Variants in ERBB4 observed in about 807,000 individuals in gnomAD.
The protein encoded by ERBB4 is receptor tyrosine-protein kinase erbB-4.
ERBB4 carries 42 observed loss-of-function variants against 158.0 expected under a neutral mutation model. The ratio of observed to expected loss-of-function variants is 0.27; its 90% CI spans 0.21 to 0.34. The LOEUF (loss-of-function observed/expected upper bound fraction) is 0.34, where lower values mean the gene tolerates loss of function less well. Among genes scored for constraint, ERBB4 ranks in the 10% least tolerant of loss-of-function variants. ERBB4 has a pLI of 1.00. For synonymous variants in ERBB4, 583 were observed against 558.7 expected (o/e 1.04, Z -0.61); for missense variants, 1,333 against 1,624.1 (o/e 0.82, Z 3.08).
chr2:212,142,610 AAT>A (rs1038999989), intron 1 of ERBB4, among the ~76,000 whole-genome samples: 4 of 147,702 alleles, frequency 2.7e-5, no homozygotes, highest in African/African-American at 4.9e-5. Context: ...ATAATATTAA[AAT>A]ATATATATAA....
At chr2:212,219,458 A>G (rs2083217638) in intron 1 of ERBB4, among the ~76,000 whole-genome samples, 1 of 151,446 alleles carries the variant, frequency 6.6e-6, no homozygotes, top group African/African-American at 2.4e-5. Context: ...AATAAAAAAT[A>G]ATAAGATTTT....
intron 3 of ERBB4, among the ~76,000 whole-genome samples, chr2:211,835,846 C>T (rs2077329793): frequency 6.6e-6 from 1 of 151,916 alleles, no homozygotes; most frequent in South Asian, 2.1e-4. Flanking sequence ...AATAAAGTTG[C>T]AAAACCAAGG....
At chr2:212,282,901 T>C (rs1417913853) in intron 1 of ERBB4, among the ~76,000 whole-genome samples, 1 of 151,920 alleles carries the variant, frequency 6.6e-6, no homozygotes, top group Non-Finnish European at 1.5e-5. Flanking sequence ...TTCTCTCTTT[T>C]ACAAATGGGG....
intron 9 of ERBB4, among the ~76,000 whole-genome samples, chr2:211,706,401 G>A (rs1324730434): frequency 1.3e-5 from 2 of 152,026 alleles, no homozygotes; most frequent in Non-Finnish European, 1.5e-5. Context: ...ACAATCCCCT[G>A]ACAAACAGAT....
At chr2:211,846,243 T>C (rs1248481984) in intron 3 of ERBB4, among the ~76,000 whole-genome samples, 1 of 152,096 alleles carries the variant, frequency 6.6e-6, no homozygotes, top group African/African-American at 2.4e-5. Context: ...CCCAGCTTCT[T>C]AAGAACTCAC....
At chr2:211,623,040 TATATAA>T (rs1416762199) in intron 18 of ERBB4, among the ~76,000 whole-genome samples, 12 of 76,658 alleles carry the variant, frequency 1.6e-4, no homozygotes, top group African/African-American at 5.3e-4. Context: ...TATATATATA[TATATAA>T]AATGCCAAAG....
intron 4 of ERBB4, among the ~76,000 whole-genome samples, chr2:211,761,707 G>C (rs888343212): frequency 5.9e-5 from 9 of 152,070 alleles, no homozygotes; most frequent in African/African-American, 2.2e-4. Context: ...ATTTCTAAAG[G>C]AGAATGTGAT....
At chr2:211,567,037 T>C (rs77847549) in intron 19 of ERBB4, among the ~76,000 whole-genome samples, 5,396 of 152,318 alleles carry the variant, frequency 0.035, 135 homozygotes, top group African/African-American at 0.069. Flanking sequence ...TGTGTGCTTC[T>C]ATAATCCATT....
chr2:211,848,218 G>A (rs903290998), intron 3 of ERBB4, among the ~76,000 whole-genome samples: 1 of 152,120 alleles, frequency 6.6e-6, no homozygotes, highest in Admixed American at 6.6e-5. Flanking sequence ...CCTAGCTAAA[G>A]TGGGTCCATT....
At chr2:211,608,541 T>C (rs7580963) in intron 19 of ERBB4, among the ~76,000 whole-genome samples, 126,849 of 152,186 alleles carry the variant, frequency 0.83, 53,572 homozygotes, top group Admixed American at 0.9. Context: ...GGCATTCTTG[T>C]AGCCCAATAT....
At chr2:211,899,107 A>G (rs1043458576) in intron 3 of ERBB4, among the ~76,000 whole-genome samples, 1 of 152,156 alleles carries the variant, frequency 6.6e-6, no homozygotes, top group East Asian at 1.9e-4. Flanking sequence ...GCAAGACAAA[A>G]ACTCAGATGT....
At chr2:211,956,852 T>C (rs972882020) in intron 2 of ERBB4, among the ~76,000 whole-genome samples, 1 of 152,080 alleles carries the variant, frequency 6.6e-6, no homozygotes, top group Non-Finnish European at 1.5e-5. Context: ...TGTTTGTTTA[T>C]GAGACAGATT....
At chr2:212,117,409 T>A (rs1206236842) in intron 2 of ERBB4, among the ~76,000 whole-genome samples, 1 of 152,208 alleles carries the variant, frequency 6.6e-6, no homozygotes, top group East Asian at 1.9e-4. Context: ...GGTATTTCAA[T>A]GTTGATCTTG....
chr2:211,485,863 AG>A (rs1292124673), intron 20 of ERBB4, among the ~76,000 whole-genome samples: 16 of 91,608 alleles, frequency 1.7e-4, no homozygotes, highest in East Asian at 7.7e-4. Context: ...TAATAAAAAA[AG>A]AAAAAGAAAA....
chr2:211,524,960 G>A (rs1191718446), intron 20 of ERBB4, among the ~76,000 whole-genome samples: 2 of 152,302 alleles, frequency 1.3e-5, no homozygotes, highest in African/African-American at 2.4e-5. Context: ...AGTAAAACTG[G>A]GCTGAAGTCA....
At chr2:211,535,314 C>T (rs2066615290) in intron 20 of ERBB4, among the ~76,000 whole-genome samples, 1 of 151,966 alleles carries the variant, frequency 6.6e-6, no homozygotes, top group South Asian at 2.1e-4. Context: ...TGGACTCCTA[C>T]CTGTCTCTTA....
chr2:211,787,728 A>G (rs2076196783), intron 4 of ERBB4, among the ~76,000 whole-genome samples: 1 of 152,160 alleles, frequency 6.6e-6, no homozygotes, highest in African/African-American at 2.4e-5. Context: ...TACCAGCCTT[A>G]AGTTTGTGGA....
At chr2:211,692,601 G>A (rs1213524646) in intron 12 of ERBB4, among the ~76,000 whole-genome samples, 5 of 152,074 alleles carry the variant, frequency 3.3e-5, no homozygotes, top group Non-Finnish European at 5.9e-5. Context: ...CCCCTTTGGC[G>A]TTGGCTTGCA....
At chr2:212,239,675 T>G (rs1215639569) in intron 1 of ERBB4, among the ~76,000 whole-genome samples, 2 of 152,190 alleles carry the variant, frequency 1.3e-5, no homozygotes, top group Non-Finnish European at 2.9e-5. Flanking sequence ...ATTCATAATC[T>G]CAGGTCTGTC....
Sources: allele counts gnomAD v4.1 joint callset (sites outside exome capture counted in the v4.1 genomes callset), GRCh38; gene constraint gnomAD v4.1.1; transcripts MANE v1.5; gene names NCBI Gene and HGNC (gene_info 2026-07-23, HGNC 2026-07-21).